ARHGAP15: variants seen among roughly 807,000 people sequenced by gnomAD.
The protein encoded by ARHGAP15 is Rho GTPase activating protein 15, also known as rho GTPase-activating protein 15.
ARHGAP15 carries 51 observed loss-of-function variants against 63.7 expected under a neutral mutation model. The ratio of observed to expected loss-of-function variants is 0.80; its 90% CI spans 0.64 to 1.01. The LOEUF is 1.01. Among genes scored for constraint, ARHGAP15 ranks in the 50% least tolerant of loss-of-function variants. ARHGAP15 has a pLI of 0.00. For missense variants in ARHGAP15, 560 were observed against 564.6 expected (o/e 0.99, Z 0.08); for synonymous variants, 191 against 193.8 (o/e 0.99, Z 0.12).
intron 6 of ARHGAP15, among the ~76,000 whole-genome samples, chr2:143,338,318 T>C (rs1684898747): frequency 1.3e-5 from 2 of 152,188 alleles, no homozygotes; most frequent in Admixed American, 6.6e-5. Flanking sequence ...AACAAATTTC[T>C]AACATGTGGA....
intron 6 of ARHGAP15, among the ~76,000 whole-genome samples, chr2:143,414,562 A>G (rs1688598430): frequency 6.6e-6 from 1 of 152,212 alleles, no homozygotes. Flanking sequence ...AGCATAAGGA[A>G]CATTTTTTAT....
At chr2:143,509,168 G>T (rs769917925) in intron 9 of ARHGAP15, among the ~76,000 whole-genome samples, 1 of 152,158 alleles carries the variant, frequency 6.6e-6, no homozygotes, top group African/African-American at 2.4e-5. Context: ...ATTATCACCA[G>T]AGACTTTAGA....
At chr2:143,758,090 AAATTAAGG>A (rs1686640214) in intron 13 of ARHGAP15, among the ~76,000 whole-genome samples, 1 of 152,114 alleles carries the variant, frequency 6.6e-6, no homozygotes, top group African/African-American at 2.4e-5. Flanking sequence ...ATGGTTAGAT[AAATTAAGG>A]TATTTCCATA....
chr2:143,644,190 G>A (rs1178888057), intron 12 of ARHGAP15, among the ~76,000 whole-genome samples: 5 of 152,094 alleles, frequency 3.3e-5, no homozygotes, highest in Admixed American at 6.5e-5. Flanking sequence ...AGAACGAACA[G>A]CCATGTAGAA....
At chr2:143,178,316 G>T (rs1691088412) in intron 2 of ARHGAP15, among the ~76,000 whole-genome samples, 1 of 152,054 alleles carries the variant, frequency 6.6e-6, no homozygotes, top group Admixed American at 6.5e-5. Context: ...AAATACAAAA[G>T]TATTCAATTT....
chr2:143,386,545 A>G (rs1687294374), intron 6 of ARHGAP15, among the ~76,000 whole-genome samples: 1 of 152,186 alleles, frequency 6.6e-6, no homozygotes, highest in Admixed American at 6.6e-5. Context: ...ATTCAAAAAT[A>G]TTAGTGAGAA....
chr2:143,538,609 A>G lies in ARHGAP15; in HGVS notation c.926-17799A>G, dbSNP rs572165140. On this transcript the variant is annotated intron_variant, in intron 10 of 13. Transcript: ENST00000295095. The stretch of plus-strand genomic sequence containing the variant: ...CATGAAGGGTTGTTGAATTTTGTCA[A>G]AGGCCTTTTCTGCATCTATTGAGAT... Among the ~76,000 whole-genome samples the G allele has an allele frequency of 3.9e-5, 6 of 152,294 alleles. No individual in the cohort carries two copies. The South Asian group carries it at 1.2e-3, about 32-fold the overall frequency.
chr2:143,503,377 C>T (rs181489406), intron 9 of ARHGAP15, among the ~76,000 whole-genome samples: 58 of 152,274 alleles, frequency 3.8e-4, no homozygotes, highest in Non-Finnish European at 6.6e-4. Flanking sequence ...TTTACTTATT[C>T]AGGAAAACAG....
At chr2:143,699,540 T>C (rs376880422) in intron 12 of ARHGAP15, among the ~76,000 whole-genome samples, 2 of 152,202 alleles carry the variant, frequency 1.3e-5, no homozygotes. Context: ...ACATGTACTT[T>C]TCATAAGGAT....
At chr2:143,592,905 T>C (rs914172577) in intron 11 of ARHGAP15, among the ~76,000 whole-genome samples, 1 of 152,180 alleles carries the variant, frequency 6.6e-6, no homozygotes, top group Non-Finnish European at 1.5e-5. Context: ...GTTACAAAGG[T>C]GATTTGACTT....
chr2:143,145,613 G>A (rs1689549812), intron 1 of ARHGAP15, among the ~76,000 whole-genome samples: 1 of 151,986 alleles, frequency 6.6e-6, no homozygotes, highest in Non-Finnish European at 1.5e-5. Context: ...CTCACTTGTT[G>A]TATAACTCTT....
chr2:143,324,023 A>G (rs1684145801), intron 6 of ARHGAP15, among the ~76,000 whole-genome samples: 1 of 151,936 alleles, frequency 6.6e-6, no homozygotes, highest in Admixed American at 6.6e-5. Flanking sequence ...CTATCTGAAG[A>G]GATGTAAGCA....
At chr2:143,163,294 T>G (rs977676873) in intron 2 of ARHGAP15, among the ~76,000 whole-genome samples, 1 of 151,836 alleles carries the variant, frequency 6.6e-6, no homozygotes, top group Non-Finnish European at 1.5e-5. Flanking sequence ...ACAATAACAT[T>G]TTTGCAGGCC....
chr2:143,228,548 T>G (rs375953434), intron 4 of ARHGAP15, 33 bp from the exon 5 acceptor site: 55 of 1,450,778 alleles, frequency 3.8e-5, no homozygotes, highest in Non-Finnish European at 5.2e-5. Context: ...CAACTGATAA[T>G]GCTTTCTTTC....
At chr2:143,700,795 T>C (rs191564861) in intron 12 of ARHGAP15, among the ~76,000 whole-genome samples, 155 of 152,330 alleles carry the variant, frequency 1.0e-3, no homozygotes, top group Non-Finnish European at 1.5e-3. Context: ...CCAATAGCTC[T>C]GACCTGGGCA....
chr2:143,287,556 A>G (rs148222588), intron 6 of ARHGAP15, among the ~76,000 whole-genome samples: 3 of 152,246 alleles, frequency 2.0e-5, no homozygotes, highest in African/African-American at 7.2e-5. Flanking sequence ...CTGTAATCCC[A>G]GCACTTTGGG....
At chr2:143,200,375 A>AT (rs752925824) in intron 2 of ARHGAP15, among the ~76,000 whole-genome samples, 2,934 of 142,390 alleles carry the variant, frequency 0.021, 94 homozygotes, top group African/African-American at 0.064. Flanking sequence ...CAGGATTCTG[A>AT]TTTTTTTTTT....
At chr2:143,663,260 T>C (rs1681934809) in intron 12 of ARHGAP15, among the ~76,000 whole-genome samples, 1 of 149,290 alleles carries the variant, frequency 6.7e-6, no homozygotes, top group Admixed American at 6.7e-5. Flanking sequence ...GGGCCAATAT[T>C]CAACATTCTT....
intron 6 of ARHGAP15, among the ~76,000 whole-genome samples, chr2:143,300,221 C>T (rs1247483887): frequency 1.3e-5 from 2 of 151,976 alleles, no homozygotes; most frequent in East Asian, 3.9e-4. Context: ...GGAAATACAT[C>T]ATTCAATTTG....
Sources: allele counts gnomAD v4.1 joint callset (sites outside exome capture counted in the v4.1 genomes callset), GRCh38; gene constraint gnomAD v4.1.1; transcripts MANE v1.5; gene names NCBI Gene and HGNC (gene_info 2026-07-23, HGNC 2026-07-21).